The following TTN variants were observed in gnomAD, a reference collection of about 807,000 sequenced individuals.
The protein encoded by TTN is connectin.
In TTN, 1,525 loss-of-function variants were observed where a neutral mutation model predicts 3,223.0. The observed-to-expected ratio is 0.47, with a 90% CI of 0.45 to 0.49. The LOEUF (loss-of-function observed/expected upper bound fraction) is 0.49. TTN is among the 20% of genes least tolerant of loss of function. The pLI is 0.00. For synonymous variants in TTN, 14,094 were observed against 15,161.0 expected (o/e 0.93, Z 5.17); for missense variants, 40,786 against 43,424.0 (o/e 0.94, Z 5.40).
At position 178,652,185 on chromosome 2, in the gene TTN, A is replaced by G. The variant is rs778777186; in HGVS notation, c.39212-6T>C. On this transcript the variant is annotated splice_polypyrimidine_tract_variant and splice_region_variant and intron_variant, in intron 203 of 362. Coordinates refer to ENST00000589042, the MANE Select transcript of TTN (RefSeq NM_001267550.2). ...TACCTTTGGCACCTCTGGGACTTTA[A>G]AAGATATTATTATTTTCATTGTTAG... The G allele has an allele frequency of 1.2e-6, 2 of 1,612,132 alleles. No individual in the cohort carries two copies. The highest frequency in any genetic ancestry group is 3.3e-5 in the Admixed American group (2 of 59,964).
At position 178,590,781 on chromosome 2, in the gene TTN, C is replaced by A. The variant is rs765839032; in HGVS notation, c.60944G>T (p.Gly20315Val). ...GYYMERREVTGKWVRVNKTPI... is the reference protein window; with the variant it reads ...GYYMERREVTVKWVRVNKTPI... ...TGTTTTGTTGACCCTCACCCATTTG[C>A]CAGTTACTTCTCGACGTTCCATATA... Residue 20315 changes from glycine to valine, a missense_variant, in exon 304 of 363, where the codon GGC (glycine) becomes GTC (valine). Transcript: ENST00000589042. 14 of 1,606,708 alleles carry A rather than the reference C, an allele frequency of 8.7e-6. No individual in the cohort carries two copies. Among genetic ancestry groups the A allele is most frequent in the Admixed American group, 1.7e-5 (1 of 59,764 alleles).
chr2:178,573,172 A>C lies in TTN; in HGVS notation c.72960T>G (p.Thr24320=), dbSNP rs1184099528. ...PTSPFYKACD[T]VFKPGPPGNP... Reference sequence around the variant, plus strand: ...TACCTGGTGGTCCAGGTTTAAACACAGTGTCACAAGCCTTGTAAAATGGAC... The same window carrying C: ...TACCTGGTGGTCCAGGTTTAAACACCGTGTCACAAGCCTTGTAAAATGGAC... The change falls in exon 326 of 363, where the codon ACT becomes ACG. Residue 24320 remains threonine (T), a synonymous_variant. Transcript: ENST00000589042. 1 of 1,612,268 alleles carries C rather than the reference A, an allele frequency of 6.2e-7. No homozygotes were observed. Among genetic ancestry groups the C allele is most frequent in the African/African-American group, 1.3e-5 (1 of 74,972 alleles).
At chr2:178,609,004 G>T (rs2055622796) in intron 273 of TTN, 96 bp from the exon 274 acceptor site, 1 of 1,461,732 alleles carries the variant, frequency 6.8e-7, no homozygotes, top group African/African-American at 1.4e-5. Context: ...CATGATTTGT[G>T]GTTTTCCCAC....
At position 178,764,204 on chromosome 2, in the gene TTN, G is replaced by C; in HGVS notation, c.10087C>G (p.Arg3363Gly). 6.2e-7 allele frequency: 1 copy of C among 1,614,042 alleles called. No individual in the cohort carries two copies. The highest frequency in any genetic ancestry group is 1.1e-5 in the South Asian group (1 of 91,076). The change falls in exon 43 of 363, where the codon CGT (arginine) becomes GGT (glycine). Residue 3363 changes from arginine to glycine, a missense_variant. By Grantham distance (125) the Arg-to-Gly change is moderately radical. Coordinates refer to ENST00000589042, the MANE Select transcript of TTN (RefSeq NM_001267550.2). ...GTTCCAGAAACCCGGCATTGAAAAC[G>C]GGCTGGCTGCCCTTCAGAAGTGACA... ...DTVTSEGQPA[R>G]FQCRVSGTDL...
rs1271096467 is a variant in TTN at position 178,608,028 on chromosome 2, C to T, written c.52759G>A (p.Glu17587Lys). 6.2e-7 allele frequency: 1 copy of T among 1,612,644 alleles called. No individual in the cohort carries two copies. Among genetic ancestry groups the T allele is most frequent in the African/African-American group, 1.3e-5 (1 of 74,836 alleles). The stretch of plus-strand genomic sequence containing the variant: ...AAAGCTGGGGGTTCCCATTCTAGTT[C>T]AATAGTTGTAGAGCTTGTGTCAGTG... ...RVTDTSSTTI[E>K]LEWEPPAFNG... Residue 17587 changes from glutamate (E) to lysine (K), a missense_variant, in exon 276 of 363, where the codon GAA becomes AAA. Transcript: ENST00000589042.
Position 178,614,178 on chromosome 2 carries a change from C to A in TTN, c.49219G>T (p.Asp16407Tyr). 1 of 1,612,350 alleles carries A rather than the reference C, an allele frequency of 6.2e-7. No homozygotes were observed. The highest frequency in any genetic ancestry group is 8.5e-7 in the Non-Finnish European group (1 of 1,179,184). ...VWHKLSSTVK[D>Y]TNFKATKLIP... ...AATTTGGTGGCCTTGAAGTTTGTAT[C>A]CTTGACGGTGGATGAGAGCTTGTGC... Residue 16407 changes from aspartate to tyrosine, a missense_variant, in exon 262 of 363, where the codon GAT becomes TAT. Physicochemically the swap from Asp to Tyr is radical, Grantham distance 160 (BLOSUM62 -3). Coordinates refer to ENST00000589042, the MANE Select transcript of TTN (RefSeq NM_001267550.2).
intron 47 of TTN, among the ~76,000 whole-genome samples, chr2:178,743,979 C>T (rs1017945664): frequency 1.3e-5 from 2 of 151,764 alleles, no homozygotes; most frequent in Non-Finnish European, 2.9e-5. Flanking sequence ...GGCTGCTCTG[C>T]CTATTTTCTG....
intron 326 of TTN, chr2:178,558,996 C>T (rs1403828027): frequency 9.5e-6 from 3 of 315,060 alleles, no homozygotes; most frequent in Non-Finnish European, 1.7e-5. Context: ...ATATGTCATA[C>T]ACACATACTA....
chr2:178,719,091 C>T (rs1012144414), intron 83 of TTN, 73 bp downstream of exon 83: 17 of 1,539,562 alleles, frequency 1.1e-5, no homozygotes, highest in Admixed American at 1.1e-4. Flanking sequence ...TAAAGAAACT[C>T]CAGGGAAGGC....
At chr2:178,679,301 T>C in intron 142 of TTN, 38 bp downstream of exon 142, 1 of 1,600,602 alleles carries the variant, frequency 6.2e-7, no homozygotes, top group South Asian at 1.1e-5. Context: ...CATGGGTGAA[T>C]TATCATGCTA....
chr2:178,742,010 C>A (rs2082571018), intron 47 of TTN, 89 bp from the exon 48 acceptor site: 2 of 957,916 alleles, frequency 2.1e-6, no homozygotes, highest in Non-Finnish European at 2.8e-6. Context: ...AGTTGATGGC[C>A]TTCTTCTGCT....
chr2:178,792,019 C>A (rs956190376), intron 10 of TTN, 53 bp downstream of exon 10: 13 of 1,590,126 alleles, frequency 8.2e-6, no homozygotes, highest in Non-Finnish European at 1.0e-5. Flanking sequence ...CTGCAGCTGG[C>A]TGTAATGTGA....
At chr2:178,726,071 G>T in intron 69 of TTN, 25 bp from the exon 70 acceptor site, 6 of 1,497,138 alleles carry the variant, frequency 4.0e-6, no homozygotes, top group Non-Finnish European at 5.3e-6. Context: ...AATTTCTCAT[G>T]AATTGGGCTA....
In TTN at chr2:178,605,732, G is replaced by A; in HGVS notation, c.53582-19C>T. 2.1e-6 allele frequency: 3 copies of A among 1,449,756 alleles called. No homozygotes were observed. Among genetic ancestry groups the A allele is most frequent in the Non-Finnish European group, 2.7e-6 (3 of 1,096,116 alleles). The allele number at this position is 1,449,756 out of a possible 1,614,324, so 89.8% of individuals were successfully genotyped here. On this transcript the variant is annotated intron_variant, in intron 278 of 362. Transcript: ENST00000589042. Reference sequence around the variant, plus strand: ...GGAGGACCTTTAGCCAGAGGCAAGTGAAAATGATTAGCATGAGATAAATAT... The same window carrying A: ...GGAGGACCTTTAGCCAGAGGCAAGTAAAAATGATTAGCATGAGATAAATAT...
At chr2:178,789,606 A>G (rs1574859332) in intron 12 of TTN, 109 bp from the exon 13 acceptor site, 6 of 1,405,928 alleles carry the variant, frequency 4.3e-6, no homozygotes, top group South Asian at 1.2e-5. Flanking sequence ...TCAGGGTTAA[A>G]TACACAAGAG....
rs779335220 is a variant in TTN, at chr2:178,746,832, T to C, written c.11312-4911A>G. On this transcript the variant is annotated intron_variant, in intron 47 of 362. Coordinates refer to ENST00000589042, the MANE Select transcript of TTN (RefSeq NM_001267550.2). Reference sequence around the variant, plus strand: ...GTGTTTTCATATACCTTCCTTTTGGTCAGAGGTTCAATAAAAGATGGAGGC... The same window carrying C: ...GTGTTTTCATATACCTTCCTTTTGGCCAGAGGTTCAATAAAAGATGGAGGC... The C allele has an allele frequency of 6.8e-6, 11 of 1,613,296 alleles. 1 individual carries two copies. In the South Asian group the frequency reaches 1.2e-4, roughly 18 times the overall value.
chr2:178,701,418 G>T, intron 110 of TTN, 110 bp downstream of exon 110: 1 of 1,181,192 alleles, frequency 8.5e-7, no homozygotes, highest in South Asian at 1.6e-5. Flanking sequence ...GACATGGAAG[G>T]TTTTGTTCTG....
chr2:178,612,574 G>A lies in TTN; in HGVS notation c.49951C>T (p.Pro16651Ser), dbSNP rs537759268. The change falls in exon 266 of 363, where the codon CCT becomes TCT. Residue 16651 changes from proline to serine, a missense_variant and splice_region_variant. Physicochemically the swap from Pro to Ser is moderately conservative, Grantham distance 74. Transcript: ENST00000589042. The stretch of plus-strand genomic sequence containing the variant: ...TCAAGCCAGCGTGGTGGTGATGGAG[G>A]ATCTGAAAAAGAAGGAAGGAAAACA... ...DPVLCREKLY[P>S]PSPPRWLEVI... is the part of the protein sequence containing the mutation. 4 of 1,599,470 alleles carry A rather than the reference G, an allele frequency of 2.5e-6. No individual in the cohort carries two copies. Among genetic ancestry groups the A allele is most frequent in the Non-Finnish European group, 3.4e-6 (4 of 1,176,136 alleles).
chr2:178,651,242 C>G lies in TTN; in HGVS notation c.39625+1G>C. On this transcript the variant is annotated splice_donor_variant, in intron 208 of 362. Coordinates refer to ENST00000589042, the MANE Select transcript of TTN (RefSeq NM_001267550.2). LOFTEE classifies it high-confidence loss of function. ...TGCAGAATCTCATTAGTGACATGTACCTTTTGCTGGTGGGACTTCTGGCTT... is the reference window on the plus strand; with the variant it reads ...TGCAGAATCTCATTAGTGACATGTAGCTTTTGCTGGTGGGACTTCTGGCTT... The G allele has an allele frequency of 6.2e-7, 1 of 1,612,464 alleles. No individual in the cohort carries two copies.
Sources: gnomAD v4.1 joint callset for allele counts (sites outside exome capture counted in the v4.1 genomes callset) on GRCh38, gnomAD v4.1.1 for gene constraint, MANE v1.5 for transcripts, NCBI Gene and HGNC (gene_info 2026-07-23, HGNC 2026-07-21) for gene names.